UBE4B: variants seen among roughly 807,000 people sequenced by gnomAD.
UBE4B encodes ubiquitination factor E4B.
A neutral mutation model predicts 148.1 loss-of-function variants in UBE4B; 27 were observed. That is an observed-to-expected ratio of 0.18 (90% confidence interval 0.13 to 0.25). The LOEUF (loss-of-function observed/expected upper bound fraction) is 0.25. Ranked by LOEUF, UBE4B falls within the 10% of genes least tolerant of loss-of-function variation. The pLI is 1.00. For missense variants in UBE4B, 1,170 were observed against 1,662.4 expected, an observed-to-expected ratio of 0.70 and a Z score of 5.15; for synonymous variants, 596 against 619.3, an observed-to-expected ratio of 0.96 and a Z score of 0.56.
At chr1:10,054,480 G>T in intron 1 of UBE4B, 1 of 432,036 alleles carries the variant, frequency 2.3e-6, no homozygotes, top group South Asian at 2.0e-5. Context: ...CAGCAGCTCA[G>T]GCTTCTTCCC....
chr1:10,144,241 G>A (rs1055386110), intron 17 of UBE4B, among the ~76,000 whole-genome samples: 4 of 152,194 alleles, frequency 2.6e-5, no homozygotes, highest in African/African-American at 7.2e-5. Flanking sequence ...TGTAAAGGAC[G>A]ATGCCGTTAG....
intron 2 of UBE4B, among the ~76,000 whole-genome samples, chr1:10,079,691 G>T (rs1644645479): frequency 6.6e-6 from 1 of 152,152 alleles, no homozygotes; most frequent in Non-Finnish European, 1.5e-5. Context: ...TGAACAGTGG[G>T]GCCTCTTTGG....
In UBE4B at chr1:10,105,523, C is replaced by T. The variant is rs145640349; in HGVS notation, c.588C>T (p.Ser196=). The change falls in exon 6 of 28, where the codon TCC becomes TCT. Residue 196 remains serine (S), a synonymous_variant. Coordinates refer to ENST00000343090, the MANE Select transcript of UBE4B (RefSeq NM_001105562.3). ...GTTCTGCCTTTCCAACAGTATTCTC[C>T]GATTTTAAGGACTTGATTGGCCAGA... ...QFKQNPKEVF[S]DFKDLIGQIL... is the part of the protein sequence containing the mutation. The T allele has an allele frequency of 3.7e-5, 60 of 1,614,060 alleles. No homozygotes were observed. The East Asian group carries it at 8.0e-4, about 22-fold the overall frequency.
At chr1:10,165,170 T>C (rs916443137) in intron 23 of UBE4B, among the ~76,000 whole-genome samples, 5 of 152,194 alleles carry the variant, frequency 3.3e-5, no homozygotes, top group Admixed American at 2.0e-4. Flanking sequence ...AAACTCACTG[T>C]GTCCAAAACG....
At chr1:10,109,546 T>C (rs1398549499) in intron 7 of UBE4B, among the ~76,000 whole-genome samples, 1 of 152,234 alleles carries the variant, frequency 6.6e-6, no homozygotes. Context: ...TAAAAAAGAA[T>C]GCCAAAGCAT....
chr1:10,097,005 C>T (rs1349173895), intron 3 of UBE4B, among the ~76,000 whole-genome samples: 1 of 150,872 alleles, frequency 6.6e-6, no homozygotes, highest in Admixed American at 6.6e-5. Flanking sequence ...CACCACTGCC[C>T]TCCAGCCTGG....
rs534488459 is a variant in UBE4B, at chr1:10,043,741, T to C, written c.24+10047T>C. On this transcript the variant is annotated intron_variant, in intron 1 of 27. Coordinates refer to ENST00000343090, the MANE Select transcript of UBE4B (RefSeq NM_001105562.3). Reference sequence around the variant, plus strand: ...ACGCGCTGGGCCGGGATGCTTCTTATAAATAGATGGTGTAATCACCGTTGG... The same window carrying C: ...ACGCGCTGGGCCGGGATGCTTCTTACAAATAGATGGTGTAATCACCGTTGG... Among the ~76,000 whole-genome samples the C allele has an allele frequency of 4.2e-4, 64 of 152,306 alleles. 1 individual carries two copies. In the South Asian group the frequency reaches 7.5e-3, roughly 18 times the overall value.
chr1:10,118,398 C>T (rs1021951718), intron 8 of UBE4B, among the ~76,000 whole-genome samples: 5 of 151,652 alleles, frequency 3.3e-5, no homozygotes, highest in Non-Finnish European at 5.9e-5. Flanking sequence ...AGTGCAGTGG[C>T]GCTATCTCAG....
chr1:10,046,348 C>T (rs1283334213), intron 1 of UBE4B, among the ~76,000 whole-genome samples: 1 of 152,188 alleles, frequency 6.6e-6, no homozygotes, highest in African/African-American at 2.4e-5. Context: ...GGATCAACTT[C>T]AGAGTCCAGA....
intron 4 of UBE4B, among the ~76,000 whole-genome samples, chr1:10,101,745 T>G (rs1041445099): frequency 1.3e-5 from 2 of 152,110 alleles, no homozygotes; most frequent in African/African-American, 4.8e-5. Context: ...ATTGACCTTA[T>G]GATCCACCTG....
intron 15 of UBE4B, among the ~76,000 whole-genome samples, chr1:10,133,146 A>G (rs1392051128): frequency 7.2e-5 from 11 of 152,218 alleles, no homozygotes; most frequent in Admixed American, 7.2e-4. Flanking sequence ...TCCGGGTGAG[A>G]CAGGCCAGTG....
chr1:10,114,064 CAAAAAAA>C (rs34811287), intron 7 of UBE4B, among the ~76,000 whole-genome samples: 6 of 44,486 alleles, frequency 1.3e-4, no homozygotes, highest in Admixed American at 2.2e-4. Context: ...GACTCCGTCT[CAAAAAAA>C]AAAAAAAGAA....
intron 12 of UBE4B, among the ~76,000 whole-genome samples, chr1:10,130,223 C>T (rs981483895): frequency 2.0e-5 from 3 of 152,006 alleles, no homozygotes; most frequent in Non-Finnish European, 2.9e-5. Flanking sequence ...TACAGGCGCA[C>T]ACCACCACGC....
At chr1:10,054,044 G>T (rs1054945410) in intron 1 of UBE4B, among the ~76,000 whole-genome samples, 1 of 151,854 alleles carries the variant, frequency 6.6e-6, no homozygotes, top group Non-Finnish European at 1.5e-5. Context: ...TGTTGTTGGG[G>T]TAGTAATTAG....
At chr1:10,066,147 C>G (rs986111397) in intron 1 of UBE4B, among the ~76,000 whole-genome samples, 2 of 148,198 alleles carry the variant, frequency 1.3e-5, no homozygotes, top group Non-Finnish European at 3.0e-5. Context: ...CCTTTTGTTT[C>G]TATTTAGAGG....
intron 21 of UBE4B, among the ~76,000 whole-genome samples, chr1:10,156,169 C>T (rs1462059874): frequency 6.7e-6 from 1 of 149,288 alleles, no homozygotes; most frequent in South Asian, 2.1e-4. Flanking sequence ...TTTGAGGGAA[C>T]AGTAGAAGTG....
intron 17 of UBE4B, among the ~76,000 whole-genome samples, chr1:10,139,227 C>T (rs1365435076): frequency 1.3e-5 from 2 of 151,520 alleles, no homozygotes; most frequent in East Asian, 3.8e-4. Flanking sequence ...GAAAACCCGT[C>T]TCTACTACAA....
At chr1:10,056,767 G>A (rs1220829842) in intron 1 of UBE4B, among the ~76,000 whole-genome samples, 2 of 152,176 alleles carry the variant, frequency 1.3e-5, no homozygotes, top group Admixed American at 6.5e-5. Flanking sequence ...GGGGCCTGGG[G>A]TAGCACTTCA....
intron 7 of UBE4B, among the ~76,000 whole-genome samples, chr1:10,114,201 T>G (rs1645269222): frequency 6.6e-6 from 1 of 152,224 alleles, no homozygotes; most frequent in Non-Finnish European, 1.5e-5. Flanking sequence ...CTATTTTCAT[T>G]GTCATCTGCA....
Sources: gnomAD v4.1 joint callset for allele counts (sites outside exome capture counted in the v4.1 genomes callset) on GRCh38, gnomAD v4.1.1 for gene constraint, MANE v1.5 for transcripts, NCBI Gene and HGNC (gene_info 2026-07-23, HGNC 2026-07-21) for gene names.